STXBP6: variants seen among roughly 807,000 people sequenced by gnomAD.
The protein encoded by STXBP6 is syntaxin binding protein 6.
Under a neutral mutation model 26.9 loss-of-function variants are expected in STXBP6, and 21 were observed. That is an observed-to-expected ratio of 0.78 (90% CI 0.55 to 1.12). The LOEUF (loss-of-function observed/expected upper bound fraction) is 1.12. STXBP6 is among the 50% of genes most tolerant of loss of function. The probability of loss-of-function intolerance (pLI) is 0.00; values close to 1 mark genes in which losing one functional copy is unlikely to be tolerated. For synonymous variants in STXBP6, 97 were observed against 92.6 expected (o/e 1.05, Z -0.27); for missense variants, 232 against 257.9 (o/e 0.90, Z 0.69).
At chr14:24,950,756 G>C (rs765357194) in intron 2 of STXBP6, among the ~76,000 whole-genome samples, 11 of 152,052 alleles carry the variant, frequency 7.2e-5, no homozygotes, top group Non-Finnish European at 1.6e-4. Flanking sequence ...TTTTTTTAAA[G>C]TTGTATTTTA....
At chr14:24,814,318 C>T (rs2067907942) in intron 5 of STXBP6, among the ~76,000 whole-genome samples, 1 of 152,234 alleles carries the variant, frequency 6.6e-6, no homozygotes, top group Non-Finnish European at 1.5e-5. Context: ...TCTACGGCCT[C>T]TACTTCTTGC....
intron 2 of STXBP6, among the ~76,000 whole-genome samples, chr14:24,930,333 A>G (rs1393695332): frequency 1.3e-5 from 2 of 152,236 alleles, no homozygotes; most frequent in African/African-American, 4.8e-5. Context: ...TCCTTGGAGA[A>G]ATAAATCTTT....
rs763136847 is a variant in STXBP6, at chr14:24,857,165, GA to G, written c.155-9del. 1 of 1,612,606 alleles carries G rather than the reference GA, an allele frequency of 6.2e-7. No homozygotes were observed. The highest frequency in any genetic ancestry group is 1.7e-5 in the Admixed American group (1 of 59,918). On this transcript the variant is annotated splice_polypyrimidine_tract_variant and intron_variant, in intron 2 of 5. Coordinates refer to ENST00000323944, the MANE Select transcript of STXBP6 (RefSeq NM_001394410.1). ...TGGGTTTCTTGTTTGTCACTGCCAA[GA>G]AAAGATCACTCAGATTAGTGCACCT...
In STXBP6 at chr14:24,995,246, A is replaced by G. The variant is rs560701941; in HGVS notation, c.-32-20396T>C. Reference sequence around the variant, plus strand: ...CTGGGGCCTCTTTTATAAGGATAATAATCACATTCACAAGAAATCTGCCCT... The same window carrying G: ...CTGGGGCCTCTTTTATAAGGATAATGATCACATTCACAAGAAATCTGCCCT... On this transcript the variant is annotated intron_variant, in intron 1 of 5. Coordinates refer to ENST00000323944, the MANE Select transcript of STXBP6 (RefSeq NM_001394410.1). Among the ~76,000 whole-genome samples, 15 of 152,274 alleles carry G rather than the reference A, an allele frequency of 9.9e-5. No homozygotes were observed. In the East Asian group the frequency reaches 1.9e-3, roughly 20 times the overall value.
intron 5 of STXBP6, among the ~76,000 whole-genome samples, chr14:24,818,698 C>T (rs892504726): frequency 1.3e-5 from 2 of 152,102 alleles, no homozygotes; most frequent in African/African-American, 4.8e-5. Flanking sequence ...CAGGGATATT[C>T]GAAGACCTGA....
chr14:24,856,170 C>A, intron 3 of STXBP6, 69 bp from the exon 4 acceptor site: 1 of 1,440,964 alleles, frequency 6.9e-7, no homozygotes, highest in South Asian at 1.5e-5. Context: ...TTACTCCTGT[C>A]AAAAGATTTA....
At chr14:25,031,597 T>C (rs964102411) in intron 1 of STXBP6, among the ~76,000 whole-genome samples, 1 of 152,216 alleles carries the variant, frequency 6.6e-6, no homozygotes, top group African/African-American at 2.4e-5. Flanking sequence ...GGATAATAAA[T>C]TGGCTTTAAT....
chr14:24,841,965 G>A (rs1185985516), intron 4 of STXBP6, among the ~76,000 whole-genome samples: 3 of 152,170 alleles, frequency 2.0e-5, no homozygotes, highest in African/African-American at 7.2e-5. Flanking sequence ...TTCTTCAGTG[G>A]GAGATTTAAA....
At chr14:24,847,799 A>T (rs1358065092) in intron 4 of STXBP6, among the ~76,000 whole-genome samples, 1 of 152,200 alleles carries the variant, frequency 6.6e-6, no homozygotes, top group Non-Finnish European at 1.5e-5. Context: ...GGAAGATCTG[A>T]ATTATGTGCC....
chr14:24,959,842 G>T (rs1383910939), intron 2 of STXBP6, among the ~76,000 whole-genome samples: 2 of 152,202 alleles, frequency 1.3e-5, no homozygotes, highest in African/African-American at 2.4e-5. Flanking sequence ...GTCCAGAAAG[G>T]AAATGTAGGT....
At chr14:24,980,836 C>A (rs2074170669) in intron 1 of STXBP6, among the ~76,000 whole-genome samples, 1 of 152,116 alleles carries the variant, frequency 6.6e-6, no homozygotes, top group African/African-American at 2.4e-5. Context: ...ATCTGTTCTG[C>A]TAGAAAAATA....
intron 1 of STXBP6, among the ~76,000 whole-genome samples, chr14:25,034,801 T>C (rs1200256008): frequency 6.6e-6 from 1 of 152,238 alleles, no homozygotes; most frequent in African/African-American, 2.4e-5. Context: ...AAGCCTCAGA[T>C]ATTCACTGAA....
rs556503726 is a variant in STXBP6, at chr14:24,959,154, G to C, written c.154+15511C>G. ...TCTGCAAAAACAAATCTCTTCAAGG[G>C]AAGGGGTTTAAGCAACATATCAGTC... On this transcript the variant is annotated intron_variant, in intron 2 of 5. Coordinates refer to ENST00000323944, the MANE Select transcript of STXBP6 (RefSeq NM_001394410.1). Among the ~76,000 whole-genome samples, 4 of 152,330 alleles carry C rather than the reference G, an allele frequency of 2.6e-5. No homozygotes were observed. The South Asian group carries it at 8.3e-4, about 32-fold the overall frequency.
At chr14:24,905,595 T>C (rs1008231130) in intron 2 of STXBP6, among the ~76,000 whole-genome samples, 2 of 152,190 alleles carry the variant, frequency 1.3e-5, no homozygotes, top group African/African-American at 2.4e-5. Flanking sequence ...GTGACCTATG[T>C]AGCAAAAACT....
intron 2 of STXBP6, among the ~76,000 whole-genome samples, chr14:24,922,274 T>A (rs991563092): frequency 1.3e-5 from 2 of 152,020 alleles, no homozygotes; most frequent in Non-Finnish European, 2.9e-5. Context: ...GCTCTATAGA[T>A]GAGAAAACTG....
intron 1 of STXBP6, among the ~76,000 whole-genome samples, chr14:24,975,587 A>G (rs1240099127): frequency 6.6e-6 from 1 of 152,208 alleles, no homozygotes; most frequent in East Asian, 1.9e-4. Context: ...TGGAAATGTT[A>G]CCCAGCAGCT....
intron 2 of STXBP6, among the ~76,000 whole-genome samples, chr14:24,949,901 A>G (rs1477559198): frequency 6.6e-6 from 1 of 152,144 alleles, no homozygotes; most frequent in Non-Finnish European, 1.5e-5. Flanking sequence ...ACTGTAACCA[A>G]TCTGGCTGTT....
At chr14:24,860,315 T>G (rs1272411367) in intron 2 of STXBP6, among the ~76,000 whole-genome samples, 1 of 152,116 alleles carries the variant, frequency 6.6e-6, no homozygotes, top group Non-Finnish European at 1.5e-5. Context: ...AAATTGGTCT[T>G]GCAACAAGTC....
At chr14:24,877,502 T>C (rs923953857) in intron 2 of STXBP6, among the ~76,000 whole-genome samples, 1 of 152,112 alleles carries the variant, frequency 6.6e-6, no homozygotes, top group African/African-American at 2.4e-5. Context: ...TAGCATATTA[T>C]ATACATATTC....
Sources: gnomAD v4.1 joint callset for allele counts (sites outside exome capture counted in the v4.1 genomes callset) on GRCh38, gnomAD v4.1.1 for gene constraint, MANE v1.5 for transcripts, NCBI Gene and HGNC (gene_info 2026-07-23, HGNC 2026-07-21) for gene names.